Variants in TAAR5 observed in about 807,000 individuals in gnomAD.
TAAR5 encodes trace amine-associated receptor 5.
TAAR5 carries 27 observed loss-of-function variants against 21.1 expected under a neutral mutation model. That is an observed-to-expected ratio of 1.28 (90% CI 0.94 to 1.76). The LOEUF (loss-of-function observed/expected upper bound fraction) is 1.76, where lower values mean the gene tolerates loss of function less well. Ranked by LOEUF, TAAR5 falls within the 40% of genes most tolerant of loss-of-function variation. The probability of loss-of-function intolerance (pLI) is 0.00; values close to 1 mark genes in which losing one functional copy is unlikely to be tolerated. For missense variants in TAAR5, 495 were observed against 405.6 expected (o/e 1.22, Z -1.89); for synonymous variants, 203 against 167.5 (o/e 1.21, Z -1.64).
chr6:132,608,295 T>C, the TAAR5 span: 1 of 443,376 alleles, frequency 2.3e-6, no homozygotes, highest in Non-Finnish European at 4.5e-6. Flanking sequence ...GGGAGCTAAA[T>C]ATTTTTCCTG....
At chr6:132,590,992 T>C (rs1313272245), upstream of TAAR5, among the ~76,000 whole-genome samples, 6 of 152,196 alleles carry the variant, frequency 3.9e-5, no homozygotes, top group Admixed American at 3.9e-4. Flanking sequence ...AGGGGTGGTT[T>C]GTGACTTCCA....
At chr6:132,601,826 G>A in the TAAR5 span, among the ~76,000 whole-genome samples, 1 of 152,118 alleles carries the variant, frequency 6.6e-6, no homozygotes, top group Non-Finnish European at 1.5e-5. Flanking sequence ...AAAAGTGTGT[G>A]GGAGCAATAT....
the TAAR5 span, among the ~76,000 whole-genome samples, chr6:132,611,222 A>AG: frequency 2.0e-5 from 3 of 152,044 alleles, no homozygotes; most frequent in Non-Finnish European, 4.4e-5. Flanking sequence ...AAAAGAAAAA[A>AG]AAAAAAGCAT....
At chr6:132,610,883 C>T in the TAAR5 span, among the ~76,000 whole-genome samples, 1 of 152,140 alleles carries the variant, frequency 6.6e-6, no homozygotes, top group African/African-American at 2.4e-5. Flanking sequence ...GCAGGCTTTC[C>T]AGCTCTGAAA....
the TAAR5 span, among the ~76,000 whole-genome samples, chr6:132,605,552 C>T: frequency 6.6e-6 from 1 of 152,070 alleles, no homozygotes; most frequent in Non-Finnish European, 1.5e-5. Context: ...CTGTACTGCT[C>T]CCTCCCCTCT....
At chr6:132,616,298 T>C in the TAAR5 span, among the ~76,000 whole-genome samples, 1 of 152,218 alleles carries the variant, frequency 6.6e-6, no homozygotes. Context: ...TTTCTTCCTC[T>C]CATTCCTCTG....
chr6:132,600,779 G>GGGAAGGAGGGGAGGAA, the TAAR5 span, among the ~76,000 whole-genome samples: 31 of 131,628 alleles, frequency 2.4e-4, no homozygotes, highest in African/African-American at 8.3e-4. Flanking sequence ...GAAGGAAGGA[G>GGGAAGGAGGGGAGGAA]GGAAGGAGGG....
chr6:132,594,539 A>C (rs2114581421), upstream of TAAR5: 1 of 152,336 alleles, frequency 6.6e-6, no homozygotes, highest in East Asian at 1.9e-4. Context: ...GCCTAGCCAG[A>C]GGAAGACATT....
the TAAR5 span, among the ~76,000 whole-genome samples, chr6:132,602,666 C>A: frequency 7.9e-5 from 12 of 151,218 alleles, no homozygotes; most frequent in Admixed American, 7.3e-4. Context: ...GACCCCTGGT[C>A]TAAAGGACCC....
the TAAR5 span, among the ~76,000 whole-genome samples, chr6:132,595,602 C>T: frequency 0.03 from 4,592 of 152,218 alleles, 171 homozygotes; most frequent in Admixed American, 0.1. Flanking sequence ...TCCCTACTGA[C>T]CAGGAGCACT....
At chr6:132,608,693 A>G in the TAAR5 span, 2 of 455,940 alleles carry the variant, frequency 4.4e-6, no homozygotes, top group Non-Finnish European at 8.8e-6. Flanking sequence ...GTCCCCCAGA[A>G]TTTGTTGAAA....
At chr6:132,596,487 T>A in the TAAR5 span, among the ~76,000 whole-genome samples, 1 of 152,160 alleles carries the variant, frequency 6.6e-6, no homozygotes, top group African/African-American at 2.4e-5. Context: ...TCACCAGATT[T>A]AATTGAAAAA....
rs1414204814 is a variant in TAAR5, at chr6:132,588,994, C to G, written c.693G>C (p.Gln231His). Reference protein sequence around the residue: ...KIFVVATRQAQQITTLSKSLA... With the variant: ...KIFVVATRQAHQITTLSKSLA... Reference sequence around the variant, plus strand: ...GGCTTTTGCTCAATGTGGTAATCTGCTGAGCCTGTCTGGTAGCAACCACAA... The same window carrying G: ...GGCTTTTGCTCAATGTGGTAATCTGGTGAGCCTGTCTGGTAGCAACCACAA... Residue 231 changes from glutamine (Q) to histidine (H), a missense_variant, in exon 1 of 1, where the codon CAG becomes CAC. By Grantham distance (24) the Gln-to-His change is conservative. Coordinates refer to ENST00000258034, the MANE Select transcript of TAAR5 (RefSeq NM_003967.3). The G allele has an allele frequency of 6.2e-7, 1 of 1,613,992 alleles. No individual in the cohort carries two copies. The highest frequency in any genetic ancestry group is 1.1e-5 in the South Asian group (1 of 91,064).
chr6:132,594,920 G>C, the TAAR5 span: 1 of 152,182 alleles, frequency 6.6e-6, no homozygotes, highest in Admixed American at 6.6e-5. Flanking sequence ...ATTATGTTTA[G>C]TTTTGAGAAT....
the TAAR5 span, among the ~76,000 whole-genome samples, chr6:132,611,591 A>C: frequency 3.3e-5 from 5 of 152,194 alleles, no homozygotes; most frequent in African/African-American, 9.7e-5. Flanking sequence ...TAATTTTAAA[A>C]ATTTTTAAAG....
chr6:132,611,717 C>T, the TAAR5 span, among the ~76,000 whole-genome samples: 4 of 152,278 alleles, frequency 2.6e-5, 1 homozygote, highest in African/African-American at 9.6e-5. Flanking sequence ...GAAGCAGACC[C>T]TAAAAGAATG....
At chr6:132,608,739 C>T in the TAAR5 span, 2 of 455,928 alleles carry the variant, frequency 4.4e-6, no homozygotes, top group African/African-American at 2.0e-5. Flanking sequence ...CAACAAGTAT[C>T]TTATAGCTCT....
chr6:132,598,265 C>T, the TAAR5 span, among the ~76,000 whole-genome samples: 1 of 152,116 alleles, frequency 6.6e-6, no homozygotes, highest in Non-Finnish European at 1.5e-5. Flanking sequence ...TGGGTCTTCC[C>T]ATCATTGTTT....
chr6:132,614,481 C>G, the TAAR5 span, among the ~76,000 whole-genome samples: 3 of 151,260 alleles, frequency 2.0e-5, no homozygotes, highest in Admixed American at 2.0e-4. Flanking sequence ...TTATAAAATA[C>G]AACTATCACT....
Sources: allele counts gnomAD v4.1 joint callset (sites outside exome capture counted in the v4.1 genomes callset), GRCh38; gene constraint gnomAD v4.1.1; transcripts MANE v1.5; gene names NCBI Gene and HGNC (gene_info 2026-07-23, HGNC 2026-07-21).